Variants in LRFN5 observed in about 807,000 individuals in gnomAD.
The protein encoded by LRFN5 is leucine-rich repeat and fibronectin type-III domain-containing protein 5.
In LRFN5, 24 loss-of-function variants were observed where a neutral mutation model predicts 45.6. The observed-to-expected ratio is 0.53, with a 90% CI of 0.38 to 0.74. The LOEUF (loss-of-function observed/expected upper bound fraction) is 0.74, where lower values mean the gene tolerates loss of function less well. Ranked by LOEUF, LRFN5 falls within the 30% of genes least tolerant of loss-of-function variation. The pLI, the probability that LRFN5 is intolerant of heterozygous loss-of-function variation, is 0.00. For missense variants in LRFN5, 776 were observed against 861.5 expected, an observed-to-expected ratio of 0.90 and a Z score of 1.24; for synonymous variants, 340 against 313.8, an observed-to-expected ratio of 1.08 and a Z score of -0.88.
At chr14:41,676,012 G>T (rs964242561) in intron 1 of LRFN5, among the ~76,000 whole-genome samples, 1 of 152,156 alleles carries the variant, frequency 6.6e-6, no homozygotes, top group African/African-American at 2.4e-5. Context: ...ACAGATGGGT[G>T]TGAGCAACCA....
At chr14:41,698,394 A>G (rs952979677) in intron 1 of LRFN5, among the ~76,000 whole-genome samples, 2 of 152,088 alleles carry the variant, frequency 1.3e-5, no homozygotes, top group African/African-American at 4.8e-5. Context: ...TTGCCAAATG[A>G]TGTTTTTTGC....
At position 41,607,290 on chromosome 14, in the gene LRFN5, G is replaced by C. The variant is rs1213293832; in HGVS notation, c.-1469G>C. Among the ~76,000 whole-genome samples the C allele has an allele frequency of 7.0e-6, 1 of 142,522 alleles. No homozygotes were observed. Among genetic ancestry groups the C allele is most frequent in the Non-Finnish European group, 1.6e-5 (1 of 63,878 alleles). 93.5% of individuals were successfully genotyped at this position (142,522 alleles called of 152,430 possible). The stretch of plus-strand genomic sequence containing the variant: ...CCCACCCATATAATCCATTTTGCAC[G>C]GTCCGTTATATCAGAAAAAAAAAGC... On this transcript the variant is annotated 5_prime_UTR_variant, in exon 1 of 6. Transcript: ENST00000298119.
chr14:41,890,205 A>G (rs1890728373), intron 3 of LRFN5, among the ~76,000 whole-genome samples: 1 of 152,076 alleles, frequency 6.6e-6, no homozygotes, highest in South Asian at 2.1e-4. Context: ...GCACTGTCTA[A>G]ACTCTTGCAC....
chr14:41,753,108 C>T (rs953520446), intron 1 of LRFN5, among the ~76,000 whole-genome samples: 1 of 152,044 alleles, frequency 6.6e-6, no homozygotes, highest in Non-Finnish European at 1.5e-5. Flanking sequence ...GGGCTCTGTT[C>T]TGTTCCATTG....
intron 2 of LRFN5, among the ~76,000 whole-genome samples, chr14:41,798,815 T>C (rs1887223812): frequency 4.6e-5 from 7 of 152,032 alleles, no homozygotes; most frequent in Admixed American, 4.6e-4. Context: ...ACTTTTCACG[T>C]AATCACACAG....
chr14:41,666,998 A>G (rs1880931764), intron 1 of LRFN5, among the ~76,000 whole-genome samples: 1 of 152,218 alleles, frequency 6.6e-6, no homozygotes, highest in East Asian at 1.9e-4. Flanking sequence ...TTGTATTTCT[A>G]TTTCTTATTT....
intron 1 of LRFN5, among the ~76,000 whole-genome samples, chr14:41,677,405 T>C (rs552025966): frequency 2.0e-5 from 3 of 152,090 alleles, no homozygotes; most frequent in East Asian, 1.9e-4. Flanking sequence ...CAGTAGAAAC[T>C]TCCTCTGAAG....
chr14:41,642,167 T>G (rs374445407), intron 1 of LRFN5, among the ~76,000 whole-genome samples: 1 of 152,154 alleles, frequency 6.6e-6, no homozygotes, highest in African/African-American at 2.4e-5. Flanking sequence ...AGCTAACAGA[T>G]TAACCAACAT....
intron 1 of LRFN5, among the ~76,000 whole-genome samples, chr14:41,643,549 G>A (rs1043405299): frequency 6.6e-6 from 1 of 152,108 alleles, no homozygotes; most frequent in Admixed American, 6.6e-5. Context: ...TGAATCATTG[G>A]GTTGATTCAA....
At chr14:41,767,446 T>A (rs1480557330) in intron 2 of LRFN5, among the ~76,000 whole-genome samples, 2 of 152,058 alleles carry the variant, frequency 1.3e-5, no homozygotes, top group African/African-American at 4.8e-5. Flanking sequence ...TTTCTGAATT[T>A]AAAAAAAATA....
chr14:41,669,948 T>G (rs1398851367), intron 1 of LRFN5, among the ~76,000 whole-genome samples: 1 of 147,160 alleles, frequency 6.8e-6, no homozygotes, highest in Non-Finnish European at 1.5e-5. Flanking sequence ...TAAAAAAAAT[T>G]TGCTATATTA....
intron 4 of LRFN5, among the ~76,000 whole-genome samples, chr14:41,896,703 A>G (rs1217010822): frequency 6.6e-6 from 1 of 152,154 alleles, no homozygotes; most frequent in Non-Finnish European, 1.5e-5. Context: ...TTATTAATAA[A>G]ATTAGTTTGT....
intron 2 of LRFN5, among the ~76,000 whole-genome samples, chr14:41,840,711 G>A (rs1393025851): frequency 2.0e-5 from 3 of 151,888 alleles, no homozygotes; most frequent in Non-Finnish European, 2.9e-5. Flanking sequence ...AGCTGAGAGA[G>A]CCAAAAGAGC....
At chr14:41,623,563 T>C (rs1467276652) in intron 1 of LRFN5, among the ~76,000 whole-genome samples, 8 of 152,148 alleles carry the variant, frequency 5.3e-5, no homozygotes, top group Non-Finnish European at 1.5e-5. Flanking sequence ...CGTGGTTCAG[T>C]TGCTTGTGTA....
intron 1 of LRFN5, among the ~76,000 whole-genome samples, chr14:41,681,824 ATTT>A (rs201760109): frequency 0.013 from 885 of 70,110 alleles, 7 homozygotes; most frequent in African/African-American, 0.05. Context: ...TTATTTATTT[ATTT>A]TTTTTTTTTG....
chr14:41,815,591 A>G (rs956634394), intron 2 of LRFN5, among the ~76,000 whole-genome samples: 1 of 151,982 alleles, frequency 6.6e-6, no homozygotes, highest in Non-Finnish European at 1.5e-5. Flanking sequence ...AAAAATACTT[A>G]GCCAGGTGTG....
intron 1 of LRFN5, among the ~76,000 whole-genome samples, chr14:41,674,544 G>A (rs563268852): frequency 0.016 from 2,237 of 141,408 alleles, 79 homozygotes; most frequent in African/African-American, 0.057. Context: ...GCGGCTGGCC[G>A]GGCAGGGGGC....
At chr14:41,655,814 G>A (rs1880353376) in intron 1 of LRFN5, among the ~76,000 whole-genome samples, 2 of 151,930 alleles carry the variant, frequency 1.3e-5, no homozygotes, top group Admixed American at 6.6e-5. Flanking sequence ...GCAGGAAAAT[G>A]AAAGAAATCA....
intron 2 of LRFN5, among the ~76,000 whole-genome samples, chr14:41,858,708 A>G (rs780437524): frequency 1.5e-4 from 23 of 151,438 alleles, no homozygotes; most frequent in Non-Finnish European, 2.7e-4. Flanking sequence ...CACTTTCACC[A>G]CTCTTTATCC....
Sources: gnomAD v4.1 joint callset for allele counts (sites outside exome capture counted in the v4.1 genomes callset) on GRCh38, gnomAD v4.1.1 for gene constraint, MANE v1.5 for transcripts, NCBI Gene and HGNC (gene_info 2026-07-23, HGNC 2026-07-21) for gene names.